The following TENM4 variants were observed in gnomAD, a reference collection of about 807,000 sequenced individuals.
The protein encoded by TENM4 is teneurin transmembrane protein 4.
A neutral mutation model predicts 243.3 loss-of-function variants in TENM4; 82 were observed. That is an observed-to-expected ratio of 0.34 (90% CI 0.28 to 0.40). The LOEUF (loss-of-function observed/expected upper bound fraction) is 0.40, where lower values mean the gene tolerates loss of function less well. Among genes scored for constraint, TENM4 ranks in the 10% least tolerant of loss-of-function variants. The pLI, the probability that TENM4 is intolerant of heterozygous loss-of-function variation, is 1.00. For synonymous variants in TENM4, 1,412 were observed against 1,456.3 expected, an observed-to-expected ratio of 0.97 and a Z score of 0.69; for missense variants, 3,138 against 3,673.3, an observed-to-expected ratio of 0.85 and a Z score of 3.77.
At chr11:79,247,926 A>C (rs535943938) in intron 2 of TENM4, among the ~76,000 whole-genome samples, 1 of 152,354 alleles carries the variant, frequency 6.6e-6, no homozygotes, top group South Asian at 2.1e-4. Flanking sequence ...GGTAAAGGGC[A>C]ATACACATAG....
intron 12 of TENM4, among the ~76,000 whole-genome samples, chr11:78,845,003 A>G (rs1858357516): frequency 6.6e-6 from 1 of 152,090 alleles, no homozygotes; most frequent in Non-Finnish European, 1.5e-5. Context: ...ACTGCTTTCC[A>G]GCTCACTAAG....
chr11:79,086,745 G>T (rs1860819160), intron 4 of TENM4, among the ~76,000 whole-genome samples: 1 of 149,436 alleles, frequency 6.7e-6, no homozygotes, highest in African/African-American at 2.5e-5. Flanking sequence ...GAGGCAGTGG[G>T]ATCGCTTGAA....
At chr11:79,210,654 G>A (rs1288858390) in intron 3 of TENM4, among the ~76,000 whole-genome samples, 1 of 152,136 alleles carries the variant, frequency 6.6e-6, no homozygotes, top group Non-Finnish European at 1.5e-5. Flanking sequence ...CGGAGGGGAG[G>A]AAAATCTGCT....
In TENM4 at chr11:79,311,105, G is replaced by A. The variant is rs142370661; in HGVS notation, c.-320-13562C>T. Among the ~76,000 whole-genome samples, 662 of 152,208 alleles carry A rather than the reference G, an allele frequency of 4.3e-3. 11 individuals carry two copies. The highest frequency in any genetic ancestry group is 0.029 in the South Asian group (142 of 4,820). On this transcript the variant is annotated intron_variant, in intron 1 of 33. Transcript: ENST00000278550. ...GACAAGACGGGTCTTGGCGAATGTC[G>A]TAGCTAACACAATGGAAACCATTCT...
rs745905012 is a variant in TENM4 at position 78,729,352 on chromosome 11, G to A, written c.3406+24C>T. ...GTCCTCCCTGCAAGAGCTATTCTCT[G>A]AGTCCTGCAGCCGGGAGGCTTACCA... is the stretch of plus-strand genomic sequence containing the variant. On this transcript the variant is annotated intron_variant, in intron 22 of 33. Coordinates refer to ENST00000278550, the MANE Select transcript of TENM4 (RefSeq NM_001098816.3). 3.2e-6 allele frequency: 5 copies of A among 1,555,150 alleles called. No individual in the cohort carries two copies. In the African/African-American group the frequency reaches 6.8e-5, roughly 21 times the overall value.
At chr11:79,264,162 C>A (rs1009002136) in intron 2 of TENM4, among the ~76,000 whole-genome samples, 17 of 152,140 alleles carry the variant, frequency 1.1e-4, no homozygotes, top group Non-Finnish European at 2.9e-5. Flanking sequence ...GTGAAGAAAC[C>A]AGGCTATCCT....
intron 3 of TENM4, among the ~76,000 whole-genome samples, chr11:79,202,365 G>A (rs1047895671): frequency 3.3e-5 from 5 of 152,176 alleles, no homozygotes; most frequent in African/African-American, 9.6e-5. Flanking sequence ...AGCAATCAGC[G>A]AGTAATCATC....
intron 2 of TENM4, among the ~76,000 whole-genome samples, chr11:79,284,517 G>T (rs1856214187): frequency 6.6e-6 from 1 of 152,164 alleles, no homozygotes; most frequent in African/African-American, 2.4e-5. Context: ...AATGAAGTTT[G>T]CTCCAGACCT....
rs113206954 is a variant in TENM4, at chr11:78,824,658, C to G, written c.1682-10263G>C. 3.4e-5 allele frequency among the ~76,000 whole-genome samples: 5 copies of G among 147,516 alleles called. No homozygotes were observed. The South Asian group carries it at 6.8e-4, about 20-fold the overall frequency. ...CTGGGACTACAGGCGCACACCACCA[C>G]GTCCGACTAATTTTTTGTATTTTTA... On this transcript the variant is annotated intron_variant, in intron 12 of 33. Coordinates refer to ENST00000278550, the MANE Select transcript of TENM4 (RefSeq NM_001098816.3).
intron 12 of TENM4, among the ~76,000 whole-genome samples, chr11:78,828,515 C>T (rs1857907782): frequency 6.6e-6 from 1 of 152,186 alleles, no homozygotes; most frequent in Non-Finnish European, 1.5e-5. Context: ...AATTATAATG[C>T]GTGTTGGTCA....
intron 3 of TENM4, 84 bp from the exon 4 acceptor site, chr11:79,148,890 G>T: frequency 3.0e-6 from 1 of 329,032 alleles, no homozygotes. Flanking sequence ...CTGGCAGCTT[G>T]GGAGGTGGGG....
intron 6 of TENM4, among the ~76,000 whole-genome samples, chr11:79,003,853 G>A (rs997158868): frequency 1.3e-5 from 2 of 152,042 alleles, no homozygotes; most frequent in African/African-American, 4.8e-5. Flanking sequence ...CTCGGATAAA[G>A]AAGCAAGACC....
intron 4 of TENM4, among the ~76,000 whole-genome samples, chr11:79,133,083 A>G (rs1181617225): frequency 1.3e-5 from 2 of 152,202 alleles, no homozygotes; most frequent in African/African-American, 4.8e-5. Flanking sequence ...GAAAAGATAA[A>G]GAAAACTGAT....
chr11:78,831,957 A>C (rs1857995187), intron 12 of TENM4, among the ~76,000 whole-genome samples: 1 of 152,182 alleles, frequency 6.6e-6, no homozygotes, highest in Non-Finnish European at 1.5e-5. Flanking sequence ...TAAAAGTACA[A>C]ATTAAACAAA....
chr11:79,346,923 G>C lies in TENM4; in HGVS notation c.-320-49380C>G, dbSNP rs550549608. Among the ~76,000 whole-genome samples, 18 of 152,280 alleles carry C rather than the reference G, an allele frequency of 1.2e-4. No individual in the cohort carries two copies. The South Asian group carries it at 2.1e-3, about 18-fold the overall frequency. ...TGATCTCTGCTTTCTCTTAGGTCCT[G>C]ATCTCATGGTTCGGGGTTTCTCTCC... On this transcript the variant is annotated intron_variant, in intron 1 of 33. Coordinates refer to ENST00000278550, the MANE Select transcript of TENM4 (RefSeq NM_001098816.3).
chr11:79,141,650 A>T (rs1210116669), intron 4 of TENM4, among the ~76,000 whole-genome samples: 1 of 152,088 alleles, frequency 6.6e-6, no homozygotes, highest in Non-Finnish European at 1.5e-5. Context: ...CAAGGCCAAT[A>T]TTACCCTGAT....
At chr11:79,098,054 C>T (rs1170313908) in intron 4 of TENM4, 2 of 152,172 alleles carry the variant, frequency 1.3e-5, no homozygotes, top group African/African-American at 4.8e-5. Flanking sequence ...TATCCCATAA[C>T]TAATGAAGAC....
intron 8 of TENM4, among the ~76,000 whole-genome samples, chr11:78,890,421 T>C (rs1206654674): frequency 3.9e-5 from 6 of 152,240 alleles, no homozygotes; most frequent in Non-Finnish European, 8.8e-5. Flanking sequence ...AAAATCCTGT[T>C]GTGTACCCTG....
chr11:79,189,185 G>A (rs1010690661), intron 3 of TENM4, among the ~76,000 whole-genome samples: 5 of 152,108 alleles, frequency 3.3e-5, no homozygotes, highest in Admixed American at 6.5e-5. Flanking sequence ...CTTGAATAAG[G>A]TACTTTAATA....
Sources: gnomAD v4.1 joint callset for allele counts (sites outside exome capture counted in the v4.1 genomes callset) on GRCh38, gnomAD v4.1.1 for gene constraint, MANE v1.5 for transcripts, NCBI Gene and HGNC (gene_info 2026-07-23, HGNC 2026-07-21) for gene names.